Variants in ADAMTSL1 observed in about 807,000 individuals in gnomAD.
ADAMTSL1 encodes the protein ADAMTS-like protein 1.
A neutral mutation model predicts 201.8 loss-of-function variants in ADAMTSL1; 126 were observed. The ratio of observed to expected loss-of-function variants is 0.62; its 90% CI spans 0.54 to 0.72. The LOEUF is 0.72. Among genes scored for constraint, ADAMTSL1 ranks in the 30% least tolerant of loss-of-function variants. ADAMTSL1 has a pLI of 0.00. For missense variants in ADAMTSL1, 2,679 were observed against 2,277.8 expected (o/e 1.18, Z -3.59); for synonymous variants, 1,121 against 903.4 (o/e 1.24, Z -4.32).
chr9:18,462,313 C>A (rs752229437), intron 2 of ADAMTSL1, among the ~76,000 whole-genome samples: 7 of 152,090 alleles, frequency 4.6e-5, no homozygotes, highest in African/African-American at 7.2e-5. Flanking sequence ...ATTCCTTCAA[C>A]GAATACTTGA....
intron 9 of ADAMTSL1, among the ~76,000 whole-genome samples, chr9:18,665,450 C>A (rs1438886994): frequency 1.3e-5 from 2 of 152,088 alleles, no homozygotes; most frequent in Non-Finnish European, 2.9e-5. Flanking sequence ...TGTCCACAGT[C>A]CCTTCCAACT....
At chr9:17,999,172 A>T (rs751866357) in intron 1 of ADAMTSL1, among the ~76,000 whole-genome samples, 23 of 152,112 alleles carry the variant, frequency 1.5e-4, no homozygotes, top group Non-Finnish European at 3.1e-4. Context: ...ATGAACACAA[A>T]GATAATATAC....
intron 16 of ADAMTSL1, among the ~76,000 whole-genome samples, chr9:18,760,407 C>T (rs1305075388): frequency 6.6e-6 from 1 of 152,132 alleles, no homozygotes; most frequent in Non-Finnish European, 1.5e-5. Context: ...ACCACAGGTT[C>T]TCTCTTCAAG....
rs1828935640 is a variant in ADAMTSL1 at position 18,886,912 on chromosome 9, C to T, written c.4250-919C>T. On this transcript the variant is annotated intron_variant, in intron 23 of 28. Transcript: ENST00000380548. ...AGTGTACTTTCTAAAAATCTTATAC[C>T]AGCTGAGATCTCCCTAGAAGAGGGA... Among the ~76,000 whole-genome samples the T allele has an allele frequency of 1.3e-5, 2 of 152,172 alleles. 1 individual carries two copies. Among genetic ancestry groups the T allele is most frequent in the South Asian group, 4.1e-4 (2 of 4,820 alleles).
At chr9:18,579,862 T>G (rs775283744) in intron 4 of ADAMTSL1, among the ~76,000 whole-genome samples, 2 of 152,256 alleles carry the variant, frequency 1.3e-5, no homozygotes, top group African/African-American at 4.8e-5. Context: ...CCCCTATTTA[T>G]ATTTGTTGTA....
chr9:18,244,260 C>T (rs780948410), intron 2 of ADAMTSL1, among the ~76,000 whole-genome samples: 1 of 152,084 alleles, frequency 6.6e-6, no homozygotes, highest in Non-Finnish European at 1.5e-5. Context: ...CTGGCACAGA[C>T]TCTCTCAAGA....
chr9:18,029,086 G>C (rs1025425931), intron 1 of ADAMTSL1, among the ~76,000 whole-genome samples: 4 of 152,126 alleles, frequency 2.6e-5, no homozygotes, highest in Admixed American at 1.3e-4. Flanking sequence ...GTATAAGAAT[G>C]CTTGTGATTT....
intron 1 of ADAMTSL1, among the ~76,000 whole-genome samples, chr9:17,952,821 C>T (rs1314604348): frequency 6.6e-6 from 1 of 152,154 alleles, no homozygotes; most frequent in Admixed American, 6.5e-5. Flanking sequence ...GCCACCATGC[C>T]CAGCCACTAC....
chr9:18,114,676 A>G (rs1395061893), intron 1 of ADAMTSL1, among the ~76,000 whole-genome samples: 1 of 152,160 alleles, frequency 6.6e-6, no homozygotes, highest in African/African-American at 2.4e-5. Context: ...TAAGAGAAAA[A>G]AACAAAAGAA....
rs569938069 is a variant in ADAMTSL1 at position 18,776,706 on chromosome 9, C to T, written c.2552-75C>T. The T allele has an allele frequency of 6.2e-6, 9 of 1,441,774 alleles. 1 individual carries two copies. In the South Asian group the frequency reaches 8.5e-5, roughly 14 times the overall value. The allele number at this position is 1,441,774 out of a possible 1,614,324, so 89.3% of individuals were successfully genotyped here. A position where few individuals can be genotyped will look rare whatever the true frequency, so the allele number is the denominator to read the frequency against. ...CTGGCTCTTTCCTTTGCCCCTCTCT[C>T]CTGGCTGCATCTCACTCTGGGTTTT... On this transcript the variant is annotated intron_variant, in intron 18 of 28. Transcript: ENST00000380548.
In ADAMTSL1 at chr9:18,538,564, G is replaced by C. The variant is rs56187601; in HGVS notation, c.237+5272G>C. On this transcript the variant is annotated intron_variant, in intron 3 of 28. Coordinates refer to ENST00000380548, the MANE Select transcript of ADAMTSL1 (RefSeq NM_001040272.6). The stretch of plus-strand genomic sequence containing the variant: ...TCTATGCTAGTTTAGTAACTGGCAT[G>C]ACTATAGTGAAAAGATTCATAGCAA... Among the ~76,000 whole-genome samples the C allele has an allele frequency of 4.6e-3, 706 of 152,180 alleles. 7 individuals carry two copies. Among genetic ancestry groups the C allele is most frequent in the African/African-American group, 0.016 (680 of 41,520 alleles).
chr9:18,769,675 G>A (rs954311907), intron 16 of ADAMTSL1, among the ~76,000 whole-genome samples: 6 of 152,166 alleles, frequency 3.9e-5, no homozygotes, highest in Non-Finnish European at 7.4e-5. Context: ...AGAAAGAGAA[G>A]GGAAGAGATG....
chr9:18,306,152 A>G (rs1424103785), intron 2 of ADAMTSL1, among the ~76,000 whole-genome samples: 1 of 152,184 alleles, frequency 6.6e-6, no homozygotes, highest in Non-Finnish European at 1.5e-5. Flanking sequence ...GTCAACATCA[A>G]CAAAAAAGAC....
intron 23 of ADAMTSL1, among the ~76,000 whole-genome samples, chr9:18,835,032 A>T (rs1178069289): frequency 6.6e-6 from 1 of 152,194 alleles, no homozygotes; most frequent in Non-Finnish European, 1.5e-5. Context: ...TAACATTTTA[A>T]GAAACAGCCA....
chr9:18,872,904 A>G (rs1277423875), intron 23 of ADAMTSL1, among the ~76,000 whole-genome samples: 1 of 152,146 alleles, frequency 6.6e-6, no homozygotes, highest in Non-Finnish European at 1.5e-5. Context: ...TCAGTTCTTT[A>G]AAGAATCTCC....
rs181150694 is a variant in ADAMTSL1, at chr9:18,811,746, C to A, written c.3806-5363C>A. On this transcript the variant is annotated intron_variant, in intron 20 of 28. Coordinates refer to ENST00000380548, the MANE Select transcript of ADAMTSL1 (RefSeq NM_001040272.6). Reference sequence around the variant, plus strand: ...ACCCTTATTCATTGTAGTGCTAGAACTTCTACCCAGTGCAGTAATGGAAGA... The same window carrying A: ...ACCCTTATTCATTGTAGTGCTAGAAATTCTACCCAGTGCAGTAATGGAAGA... 4.1e-4 allele frequency among the ~76,000 whole-genome samples: 63 copies of A among 152,304 alleles called. 1 individual carries two copies. Among genetic ancestry groups the A allele is most frequent in the Admixed American group, 3.7e-3 (57 of 15,304 alleles).
chr9:18,840,149 T>C (rs1825617657), intron 23 of ADAMTSL1, among the ~76,000 whole-genome samples: 1 of 149,840 alleles, frequency 6.7e-6, no homozygotes, highest in Non-Finnish European at 1.5e-5. Context: ...GGTTTTCTTC[T>C]AGGGTTTTTA....
intron 1 of ADAMTSL1, among the ~76,000 whole-genome samples, chr9:18,123,796 T>C (rs999567184): frequency 2.0e-5 from 3 of 152,198 alleles, no homozygotes; most frequent in Non-Finnish European, 2.9e-5. Context: ...GCCATTAATC[T>C]ATTTCATATC....
intron 15 of ADAMTSL1, among the ~76,000 whole-genome samples, chr9:18,725,464 TC>T (rs1187285834): frequency 2.0e-5 from 3 of 152,212 alleles, no homozygotes; most frequent in Non-Finnish European, 4.4e-5. Context: ...GTGAGAATTT[TC>T]CATCAAAGTT....
Sources: gnomAD v4.1 joint callset for allele counts (sites outside exome capture counted in the v4.1 genomes callset) on GRCh38, gnomAD v4.1.1 for gene constraint, MANE v1.5 for transcripts, NCBI Gene and HGNC (gene_info 2026-07-23, HGNC 2026-07-21) for gene names.